Variants in ITGA11 observed in about 807,000 individuals in gnomAD.
ITGA11 encodes integrin subunit alpha 11, also known as integrin alpha-11.
In ITGA11, 97 loss-of-function variants were observed where a neutral mutation model predicts 141.9. That is an observed-to-expected ratio of 0.68 (90% CI 0.58 to 0.81). The LOEUF is 0.81. Among genes scored for constraint, ITGA11 ranks in the 30% least tolerant of loss-of-function variants. The probability of loss-of-function intolerance (pLI) is 0.00; values close to 1 mark genes in which losing one functional copy is unlikely to be tolerated. For missense variants in ITGA11, 1,387 were observed against 1,559.2 expected, an observed-to-expected ratio of 0.89 and a Z score of 1.86; for synonymous variants, 658 against 624.6, an observed-to-expected ratio of 1.05 and a Z score of -0.80.
chr15:68,300,761 C>T lies in ITGA11; in HGVS notation c.*2298G>A, dbSNP rs553885999. ...GGAATAAGGGCTGCTTGCCTCTGAC[C>T]GAGAGTCCAGAGGTTGCAATTCAGT... On this transcript the variant is annotated 3_prime_UTR_variant, in exon 30 of 30. Transcript: ENST00000315757. The T allele has an allele frequency of 3.3e-5, 5 of 152,234 alleles. No individual in the cohort carries two copies. Among genetic ancestry groups the T allele is most frequent in the Non-Finnish European group, 7.4e-5 (5 of 68,020 alleles). The allele number at this position is 152,234 out of a possible 1,614,324, so 9.4% of individuals were successfully genotyped here. A position where few individuals can be genotyped will look rare whatever the true frequency, so the allele number is the denominator to read the frequency against.
chr15:68,392,823 T>C (rs1484176868), intron 2 of ITGA11, among the ~76,000 whole-genome samples: 1 of 152,034 alleles, frequency 6.6e-6, no homozygotes, highest in African/African-American at 2.4e-5. Flanking sequence ...AACTGTAACA[T>C]CCACAATATT....
In ITGA11 at chr15:68,326,952, C is replaced by T. The variant is rs1334144643; in HGVS notation, c.2069-156G>A. 6.6e-6 allele frequency among the ~76,000 whole-genome samples: 1 copy of T among 151,884 alleles called. No homozygotes were observed. Among genetic ancestry groups the T allele is most frequent in the Non-Finnish European group, 1.5e-5 (1 of 67,994 alleles). ...GGGTGAGAAACTCCCACATGGAGAG[C>T]AAGTGATTGCATGAGGAAGGTAAAG... On this transcript the variant is annotated intron_variant, in intron 16 of 29. Transcript: ENST00000315757. The surrounding 1 kb of genome is among the most constrained non-coding windows in gnomAD (Gnocchi z 6.8).
Position 68,326,692 on chromosome 15 carries a change from C to T in ITGA11, c.2173G>A (p.Gly725Ser), listed in dbSNP as rs376347047. ...FTNRAVLLSS[G>S]QELCERINFH... is the part of the protein sequence containing the mutation. ...TTGATCCGCTCACAGAGCTCCTGGCCGGAGGAGAGCAGTACGGCTCTGTTG... is the reference window on the plus strand; with the variant it reads ...TTGATCCGCTCACAGAGCTCCTGGCTGGAGGAGAGCAGTACGGCTCTGTTG... Residue 725 changes from glycine (G) to serine (S), a missense_variant, in exon 17 of 30, where the codon GGC becomes AGC. By Grantham distance (56) the Gly-to-Ser change is moderately conservative. Coordinates refer to ENST00000315757, the MANE Select transcript of ITGA11 (RefSeq NM_001004439.2). The surrounding 1 kb of genome is among the most constrained non-coding windows in gnomAD (Gnocchi z 6.8). The T allele has an allele frequency of 5.2e-5, 82 of 1,589,816 alleles. No homozygotes were observed. In the East Asian group the frequency reaches 1.4e-3, roughly 28 times the overall value.
At chr15:68,410,991 G>A (rs1043279869) in intron 1 of ITGA11, among the ~76,000 whole-genome samples, 3 of 152,226 alleles carry the variant, frequency 2.0e-5, no homozygotes, top group African/African-American at 7.2e-5. Context: ...CCAGGCTGGT[G>A]GGGAGTGTGC....
chr15:68,384,255 G>A (rs1053005548), intron 2 of ITGA11, among the ~76,000 whole-genome samples: 3 of 97,456 alleles, frequency 3.1e-5, no homozygotes, highest in Non-Finnish European at 6.1e-5. Context: ...TTCTTGTGTG[G>A]TTTGGCATTA....
At chr15:68,346,952 G>T (rs573918892) in intron 10 of ITGA11, among the ~76,000 whole-genome samples, 1 of 152,160 alleles carries the variant, frequency 6.6e-6, no homozygotes, top group South Asian at 2.1e-4. Flanking sequence ...TACCTAGAAG[G>T]CATCTATAGT....
At position 68,333,964 on chromosome 15, in the gene ITGA11, C is replaced by T. The variant is rs1434441116; in HGVS notation, c.1426-1486G>A. 1.3e-5 allele frequency among the ~76,000 whole-genome samples: 2 copies of T among 152,224 alleles called. No homozygotes were observed. The highest frequency in any genetic ancestry group is 2.4e-5 in the African/African-American group (1 of 41,464). ...CTCTTGCATGCACTCCCCGCCCCTG[C>T]GTCCTCCCCAGACCATCCCCTGCCA... On this transcript the variant is annotated intron_variant, in intron 12 of 29. Transcript: ENST00000315757. This position sits in a 1 kb window ranked among gnomAD's most constrained non-coding sequence, Gnocchi z 4.2.
chr15:68,365,004 G>A lies in ITGA11; in HGVS notation c.266-206C>T, dbSNP rs1232141301. The A allele has an allele frequency of 1.2e-5, 4 of 343,212 alleles. No individual in the cohort carries two copies. In the African/African-American group the frequency reaches 1.6e-4, roughly 13 times the overall value. The allele number at this position is 343,212 out of a possible 1,614,324, so 21.3% of individuals were successfully genotyped here. On this transcript the variant is annotated intron_variant, in intron 3 of 29. Coordinates refer to ENST00000315757, the MANE Select transcript of ITGA11 (RefSeq NM_001004439.2). The stretch of plus-strand genomic sequence containing the variant: ...TGTGAGATGAGAAAACCGAGTCTCA[G>A]AGAGGCCAAACAACCTGCCCAAGGT...
chr15:68,407,216 G>A (rs1896669863), intron 1 of ITGA11, among the ~76,000 whole-genome samples: 1 of 152,208 alleles, frequency 6.6e-6, no homozygotes, highest in South Asian at 2.1e-4. Flanking sequence ...CCAGTGAGGG[G>A]GTGGTGGGGG....
intron 1 of ITGA11, among the ~76,000 whole-genome samples, chr15:68,405,159 C>CTTTTTTTTTTTTTTTTTTTTTTTTT (rs201537337): frequency 8.4e-6 from 1 of 118,942 alleles, no homozygotes; most frequent in Non-Finnish European, 1.7e-5. Flanking sequence ...CACTGTCTCC[C>CTTTTTTTTTTTTTTTTTTTTTTTTT]TTTTTTTTTT....
rs201304936 is a variant in ITGA11, at chr15:68,307,638, T to C, written c.3233A>G (p.Gln1078Arg). ...INCNIRLVPNQEINFHLLGNL... is the reference protein window; with the variant it reads ...INCNIRLVPNREINFHLLGNL... ...CCCCAGTAGATGGAAATTGATTTCC[T>C]GGTTGGGGACCAGCCGTATATTGCA... is the stretch of plus-strand genomic sequence containing the variant. Residue 1078 changes from glutamine to arginine, a missense_variant, in exon 27 of 30, where the codon CAG becomes CGG. By Grantham distance (43) the Gln-to-Arg change is conservative. Coordinates refer to ENST00000315757, the MANE Select transcript of ITGA11 (RefSeq NM_001004439.2). This position sits in a 1 kb window ranked among gnomAD's most constrained non-coding sequence, Gnocchi z 6.1. The C allele has an allele frequency of 6.7e-5, 108 of 1,613,862 alleles. No homozygotes were observed. The Admixed American group carries it at 6.8e-4, about 10-fold the overall frequency.
At position 68,308,222 on chromosome 15, in the gene ITGA11, ATG is replaced by A. The variant is rs1412149093; in HGVS notation, c.3175-528_3175-527del. Among the ~76,000 whole-genome samples, 1 of 152,228 alleles carries A rather than the reference ATG, an allele frequency of 6.6e-6. No homozygotes were observed. Among genetic ancestry groups the A allele is most frequent in the Non-Finnish European group, 1.5e-5 (1 of 68,036 alleles). Reference sequence around the variant, plus strand: ...AACTCGTATTAACTTGTTGTAACCTATGTGAACAGGATCTAGTTTGAGGCACT... The same window carrying A: ...AACTCGTATTAACTTGTTGTAACCTATGAACAGGATCTAGTTTGAGGCACT... On this transcript the variant is annotated intron_variant, in intron 26 of 29. Coordinates refer to ENST00000315757, the MANE Select transcript of ITGA11 (RefSeq NM_001004439.2). The surrounding 1 kb of genome is among the most constrained non-coding windows in gnomAD (Gnocchi z 5.2).
intron 11 of ITGA11, among the ~76,000 whole-genome samples, 172 bp downstream of exon 11, chr15:68,339,328 T>A (rs1315854546): frequency 6.6e-6 from 1 of 152,288 alleles, no homozygotes; most frequent in East Asian, 1.9e-4. Flanking sequence ...GCGCGGTGGA[T>A]ACCAGGGTGG....
At chr15:68,397,627 A>G (rs187195582) in intron 2 of ITGA11, among the ~76,000 whole-genome samples, 2,426 of 112,652 alleles carry the variant, frequency 0.022, 120 homozygotes, top group African/African-American at 0.078. Context: ...AAAATATTAT[A>G]TTTAATATAT....
intron 20 of ITGA11, among the ~76,000 whole-genome samples, chr15:68,318,684 C>G (rs997976309): frequency 2.0e-5 from 3 of 152,144 alleles, no homozygotes; most frequent in African/African-American, 4.8e-5. Flanking sequence ...CACTCAGCTT[C>G]CCCTCCTGGC....
At position 68,313,739 on chromosome 15, in the gene ITGA11, C is replaced by T. The variant is rs568279374; in HGVS notation, c.2882+40G>A. On this transcript the variant is annotated intron_variant, in intron 23 of 29. Transcript: ENST00000315757. ...CTTAGGCCTCCCTCCTCCCATTCCC[C>T]ATGCCTTCCCTCTCCTGGGGCCCCC... 1.3e-5 allele frequency: 20 copies of T among 1,522,572 alleles called. No individual in the cohort carries two copies. The African/African-American group carries it at 2.6e-4, about 20-fold the overall frequency. 94.3% of individuals were successfully genotyped at this position (1,522,572 alleles called of 1,614,324 possible). A position where few individuals can be genotyped will look rare whatever the true frequency, so the allele number is the denominator to read the frequency against.
At chr15:68,396,163 G>C (rs1297039062) in intron 2 of ITGA11, among the ~76,000 whole-genome samples, 2 of 151,994 alleles carry the variant, frequency 1.3e-5, no homozygotes, top group African/African-American at 2.4e-5. Context: ...AAATTCCTGA[G>C]AATATATACA....
At chr15:68,378,891 G>A (rs959962759) in intron 2 of ITGA11, among the ~76,000 whole-genome samples, 10 of 152,088 alleles carry the variant, frequency 6.6e-5, no homozygotes, top group African/African-American at 2.4e-4. Context: ...CAACTTTTAG[G>A]TCCACCTCAG....
chr15:68,325,055 G>T lies in ITGA11; in HGVS notation c.2322+76C>A. The T allele has an allele frequency of 1.9e-6, 2 of 1,075,180 alleles. No homozygotes were observed. Among genetic ancestry groups the T allele is most frequent in the East Asian group, 4.7e-5 (2 of 42,342 alleles). The allele number at this position is 1,075,180 out of a possible 1,614,324, so 66.6% of individuals were successfully genotyped here. A position where few individuals can be genotyped will look rare whatever the true frequency, so the allele number is the denominator to read the frequency against. ...TGTCCTCTGTACCCGGCACACTCAGGCTCTGGGCTTTGGGGTTGAGGTGGA... is the reference window on the plus strand; with the variant it reads ...TGTCCTCTGTACCCGGCACACTCAGTCTCTGGGCTTTGGGGTTGAGGTGGA... On this transcript the variant is annotated intron_variant, in intron 18 of 29. Transcript: ENST00000315757. The surrounding 1 kb of genome is among the most constrained non-coding windows in gnomAD (Gnocchi z 5.5).
Sources: gnomAD v4.1 joint callset for allele counts (sites outside exome capture counted in the v4.1 genomes callset) on GRCh38, gnomAD v4.1.1 for gene constraint, Gnocchi (gnomAD v3.1) non-coding constraint, MANE v1.5 for transcripts, NCBI Gene and HGNC (gene_info 2026-07-23, HGNC 2026-07-21) for gene names.